Variants in CWC27 observed in about 807,000 individuals in gnomAD.
CWC27 encodes spliceosome-associated protein CWC27 homolog.
CWC27 carries 47 observed loss-of-function variants against 63.6 expected under a neutral mutation model. The ratio of observed to expected loss-of-function variants is 0.74; its 90% CI spans 0.58 to 0.94. The LOEUF (loss-of-function observed/expected upper bound fraction) is 0.94. Among genes scored for constraint, CWC27 ranks in the 40% least tolerant of loss-of-function variants. CWC27 has a pLI of 0.00. For synonymous variants in CWC27, 175 were observed against 179.8 expected (o/e 0.97, Z 0.22); for missense variants, 495 against 554.3 (o/e 0.89, Z 1.07).
In CWC27 at chr5:64,963,195, C is replaced by G. The variant is rs1349998630; in HGVS notation, c.1043-8508C>G. Among the ~76,000 whole-genome samples, 2 of 152,074 alleles carry G rather than the reference C, an allele frequency of 1.3e-5. 1 individual carries two copies. Among genetic ancestry groups the G allele is most frequent in the Admixed American group, 1.3e-4 (2 of 15,266 alleles). On this transcript the variant is annotated intron_variant, in intron 11 of 13. Transcript: ENST00000381070. ...CAGGCTGGTTTCAAACTCCTGAGCT[C>G]AGACAATCAGCCCGCCTCCGCCTCC...
chr5:64,774,220 A>G (rs976462886), intron 1 of CWC27, among the ~76,000 whole-genome samples: 2 of 152,148 alleles, frequency 1.3e-5, no homozygotes, highest in African/African-American at 4.8e-5. Context: ...TAGTGGCATG[A>G]TCATAGCTCA....
At chr5:64,878,499 A>AAAAAAAAAAAC (rs1746852497) in intron 10 of CWC27, among the ~76,000 whole-genome samples, 1 of 140,988 alleles carries the variant, frequency 7.1e-6, no homozygotes, top group African/African-American at 2.6e-5. Context: ...AAAAAAAAAA[A>AAAAAAAAAAAC]AGCACCTGTT....
At chr5:64,976,701 T>C (rs1338711608) in intron 12 of CWC27, among the ~76,000 whole-genome samples, 1 of 152,082 alleles carries the variant, frequency 6.6e-6, no homozygotes, top group African/African-American at 2.4e-5. Context: ...TCTGACTTTT[T>C]TTCTTTTCTT....
At chr5:64,859,500 GAGA>G (rs1040555751) in intron 10 of CWC27, among the ~76,000 whole-genome samples, 1 of 152,094 alleles carries the variant, frequency 6.6e-6, no homozygotes, top group East Asian at 1.9e-4. Flanking sequence ...CAAAATATTG[GAGA>G]AGAAGAAACA....
chr5:64,826,389 T>C (rs1229285418), intron 10 of CWC27, among the ~76,000 whole-genome samples: 1 of 152,212 alleles, frequency 6.6e-6, no homozygotes, highest in African/African-American at 2.4e-5. Context: ...TTGACATTTA[T>C]TGAGACTTGT....
intron 11 of CWC27, among the ~76,000 whole-genome samples, chr5:64,935,274 CT>C (rs1748322614): frequency 6.6e-6 from 1 of 152,030 alleles, no homozygotes; most frequent in Non-Finnish European, 1.5e-5. Flanking sequence ...TGAGTTAATT[CT>C]TGTGTAAGAT....
intron 10 of CWC27, among the ~76,000 whole-genome samples, chr5:64,848,288 A>T (rs1746042062): frequency 6.6e-6 from 1 of 152,198 alleles, no homozygotes; most frequent in Non-Finnish European, 1.5e-5. Context: ...CTAGACATAT[A>T]CCACCTACCA....
At chr5:64,924,665 A>G (rs191354428) in intron 11 of CWC27, among the ~76,000 whole-genome samples, 3 of 152,248 alleles carry the variant, frequency 2.0e-5, no homozygotes, top group Non-Finnish European at 4.4e-5. Context: ...AAGGAATCCA[A>G]TTGGCCTAGC....
At position 64,905,200 on chromosome 5, in the gene CWC27, C is replaced by CAAAAAAAAAAAAAA. The variant is rs71608574; in HGVS notation, c.1042+19665_1042+19678dup. On this transcript the variant is annotated intron_variant, in intron 11 of 13. Transcript: ENST00000381070. Reference sequence around the variant, plus strand: ...TGGGCGACAGAGCCACACTACATCTCAAAAAAAAAAAAAAAAAAAAAAAAC... The same window carrying CAAAAAAAAAAAAAA: ...TGGGCGACAGAGCCACACTACATCTCAAAAAAAAAAAAAAAAAAAAAAAAAAAAAAAAAAAAAAC... Among the ~76,000 whole-genome samples, 49 of 55,554 alleles carry CAAAAAAAAAAAAAA rather than the reference C, an allele frequency of 8.8e-4. 1 individual carries two copies. Among genetic ancestry groups the CAAAAAAAAAAAAAA allele is most frequent in the African/African-American group, 3.2e-3 (47 of 14,822 alleles). 36.4% of individuals were successfully genotyped at this position (55,554 alleles called of 152,430 possible). A position where few individuals can be genotyped will look rare whatever the true frequency, so the allele number is the denominator to read the frequency against.
intron 10 of CWC27, chr5:64,844,843 A>G: frequency 2.2e-6 from 1 of 454,494 alleles, no homozygotes; most frequent in Non-Finnish European, 4.4e-6. Flanking sequence ...AAGCAATCCC[A>G]TGGCTCTACC....
chr5:64,999,224 A>C (rs189910744), intron 13 of CWC27, among the ~76,000 whole-genome samples: 190 of 151,762 alleles, frequency 1.3e-3, no homozygotes, highest in African/African-American at 4.4e-3. Flanking sequence ...TTTTTAATTT[A>C]TTTCTCCCCC....
chr5:64,788,027 A>C (rs1239889236), intron 6 of CWC27, among the ~76,000 whole-genome samples: 1 of 152,098 alleles, frequency 6.6e-6, no homozygotes. Flanking sequence ...TTGTTTTATA[A>C]AGTGTCAGAT....
At chr5:64,776,293 T>A (rs1743452842) in intron 2 of CWC27, among the ~76,000 whole-genome samples, 1 of 152,022 alleles carries the variant, frequency 6.6e-6, no homozygotes, top group African/African-American at 2.4e-5. Context: ...GTTTTGAAGA[T>A]TCAAAAGCTC....
chr5:64,866,636 TC>T (rs1746537564), intron 10 of CWC27, among the ~76,000 whole-genome samples: 1 of 152,096 alleles, frequency 6.6e-6, no homozygotes, highest in African/African-American at 2.4e-5. Flanking sequence ...TACCTTGATT[TC>T]CCCGTGAGTT....
chr5:64,935,812 C>T (rs1748338248), intron 11 of CWC27, among the ~76,000 whole-genome samples: 1 of 152,184 alleles, frequency 6.6e-6, no homozygotes, highest in Admixed American at 6.5e-5. Context: ...AGAGGTCCTT[C>T]ACATCCCTTG....
At chr5:64,924,395 A>G (rs939912840) in intron 11 of CWC27, among the ~76,000 whole-genome samples, 1 of 152,234 alleles carries the variant, frequency 6.6e-6, no homozygotes, top group Non-Finnish European at 1.5e-5. Flanking sequence ...AATCTCATGA[A>G]TACCAAAAGA....
chr5:65,000,679 G>C (rs1004060839), intron 13 of CWC27, among the ~76,000 whole-genome samples: 1 of 152,066 alleles, frequency 6.6e-6, no homozygotes, highest in Admixed American at 6.6e-5. Flanking sequence ...TGTTCCATTG[G>C]TCTGTGTGTC....
intron 6 of CWC27, among the ~76,000 whole-genome samples, chr5:64,788,227 A>G (rs185728217): frequency 2.0e-5 from 3 of 152,006 alleles, no homozygotes; most frequent in African/African-American, 4.8e-5. Flanking sequence ...AATAAACTCT[A>G]AAGTCTTTTT....
intron 1 of CWC27, among the ~76,000 whole-genome samples, chr5:64,770,411 T>C (rs554920910): frequency 7.9e-5 from 12 of 152,296 alleles, no homozygotes; most frequent in Middle Eastern, 3.4e-3. Context: ...CTGGTAGAGA[T>C]TGAATAGATT....
Sources: gnomAD v4.1 joint callset for allele counts (sites outside exome capture counted in the v4.1 genomes callset) on GRCh38, gnomAD v4.1.1 for gene constraint, MANE v1.5 for transcripts, NCBI Gene and HGNC (gene_info 2026-07-23, HGNC 2026-07-21) for gene names.